Variants in ERC1 observed in about 807,000 individuals in gnomAD.
ERC1 encodes the protein RAB6 interacting protein 2.
Under a neutral mutation model 132.0 loss-of-function variants are expected in ERC1, and 56 were observed. The observed-to-expected ratio is 0.42, with a 90% CI of 0.34 to 0.53. The LOEUF is 0.53. ERC1 is among the 20% of genes least tolerant of loss of function. The pLI is 0.03. For synonymous variants in ERC1, 478 were observed against 476.1 expected, an observed-to-expected ratio of 1.00 and a Z score of -0.05; for missense variants, 1,202 against 1,349.9, an observed-to-expected ratio of 0.89 and a Z score of 1.72.
intron 2 of ERC1, among the ~76,000 whole-genome samples, chr12:1,033,938 G>C (rs1213926665): frequency 6.6e-6 from 1 of 152,112 alleles, no homozygotes; most frequent in African/African-American, 2.4e-5. Flanking sequence ...CTTAAATTCT[G>C]TTTTTATAGT....
chr12:1,199,848 G>C (rs954070948), intron 12 of ERC1, among the ~76,000 whole-genome samples: 2 of 151,412 alleles, frequency 1.3e-5, no homozygotes, highest in African/African-American at 4.9e-5. Context: ...AGCATACTAA[G>C]AACACCCTTG....
intron 2 of ERC1, among the ~76,000 whole-genome samples, chr12:1,032,404 T>G (rs1299612796): frequency 2.0e-5 from 3 of 152,198 alleles, no homozygotes; most frequent in Non-Finnish European, 4.4e-5. Flanking sequence ...GATGGTTCTG[T>G]TGTGGCACTT....
chr12:1,310,275 G>A (rs1355475727), intron 15 of ERC1, among the ~76,000 whole-genome samples: 1 of 147,108 alleles, frequency 6.8e-6, no homozygotes, highest in Non-Finnish European at 1.5e-5. Context: ...CTCCCAGACT[G>A]GAGTGCAATG....
chr12:1,205,367 A>ATGTG (rs1009684006), intron 12 of ERC1, among the ~76,000 whole-genome samples: 1 of 150,036 alleles, frequency 6.7e-6, no homozygotes, highest in South Asian at 2.1e-4. Flanking sequence ...GATTATATAT[A>ATGTG]TGTGTGTGTG....
intron 8 of ERC1, among the ~76,000 whole-genome samples, chr12:1,177,626 C>T (rs1347182452): frequency 6.6e-6 from 1 of 152,052 alleles, no homozygotes; most frequent in Non-Finnish European, 1.5e-5. Context: ...TTCATGGCAC[C>T]CCAGATAAAT....
intron 4 of ERC1, among the ~76,000 whole-genome samples, chr12:1,107,064 C>G (rs1945341377): frequency 6.6e-6 from 1 of 152,164 alleles, no homozygotes; most frequent in Admixed American, 6.5e-5. Context: ...GAAGGTGATG[C>G]AATTTTCTTT....
intron 12 of ERC1, among the ~76,000 whole-genome samples, chr12:1,224,525 A>G (rs111698061): frequency 0.016 from 2,363 of 152,302 alleles, 50 homozygotes; most frequent in African/African-American, 0.054. Context: ...GACCAAAAAA[A>G]TGTGCCATAC....
rs56939346 is a variant in ERC1, at chr12:1,493,548, A to AAATATATAT, written c.*3319_*3320insATATATATA. ...ACTCCATTTAAAAAAAAAAAAAAAAAATATATATATATATATATATATATA... is the reference window on the plus strand; with the variant it reads ...ACTCCATTTAAAAAAAAAAAAAAAAAAATATATATATATATATATATATATATATATATA... On this transcript the variant is annotated 3_prime_UTR_variant, in exon 19 of 19. Transcript: ENST00000360905. 2.2e-4 allele frequency: 3 copies of AAATATATAT among 13,620 alleles called. No individual in the cohort carries two copies. The highest frequency in any genetic ancestry group is 1.0e-3 in the Admixed American group (1 of 972). The allele number at this position is 13,620 out of a possible 1,614,324, so 0.8% of individuals were successfully genotyped here. A position where few individuals can be genotyped will look rare whatever the true frequency, so the allele number is the denominator to read the frequency against.
intron 13 of ERC1, among the ~76,000 whole-genome samples, chr12:1,254,849 T>C (rs915821303): frequency 6.6e-6 from 1 of 152,180 alleles, no homozygotes; most frequent in East Asian, 1.9e-4. Context: ...TTTGAATACA[T>C]GTATACATTG....
intron 12 of ERC1, among the ~76,000 whole-genome samples, chr12:1,203,207 GC>G (rs1957071974): frequency 6.6e-6 from 1 of 152,130 alleles, no homozygotes; most frequent in Non-Finnish European, 1.5e-5. Context: ...ACAGGCGTGT[GC>G]CACCACGCCT....
At chr12:1,309,234 A>C (rs1191294947) in intron 15 of ERC1, among the ~76,000 whole-genome samples, 2 of 152,264 alleles carry the variant, frequency 1.3e-5, no homozygotes, top group African/African-American at 4.8e-5. Flanking sequence ...TATCATGAAC[A>C]ATAATTTTGC....
chr12:1,261,241 C>T (rs911685496), intron 13 of ERC1, among the ~76,000 whole-genome samples: 1 of 152,288 alleles, frequency 6.6e-6, no homozygotes, highest in East Asian at 1.9e-4. Context: ...AGAAGCCTCT[C>T]AGGAGACTTG....
At chr12:1,138,202 TGA>T (rs1949516182) in intron 7 of ERC1, among the ~76,000 whole-genome samples, 2 of 103,852 alleles carry the variant, frequency 1.9e-5, no homozygotes, top group Admixed American at 1.1e-4. Context: ...TAATTATATA[TGA>T]TATATATTAT....
Position 1,083,409 on chromosome 12 carries a change from G to A in ERC1, c.915G>A (p.Arg305=), listed in dbSNP as rs745625005. ...IETQKQTLNA[R]DESIKKLLEM... is the part of the protein sequence containing the mutation. The stretch of plus-strand genomic sequence containing the variant: ...CTCAAAAGCAGACCCTAAATGCTCG[G>A]GATGAATCCATTAAGAAGCTTCTGG... The change falls in exon 3 of 19, where the codon CGG becomes CGA. Residue 305 remains arginine, a synonymous_variant. Transcript: ENST00000360905. 1 of 1,614,056 alleles carries A rather than the reference G, an allele frequency of 6.2e-7. No homozygotes were observed. The highest frequency in any genetic ancestry group is 1.3e-5 in the African/African-American group (1 of 74,926).
intron 2 of ERC1, among the ~76,000 whole-genome samples, chr12:1,049,372 G>GGCT (rs905551170): frequency 2.7e-4 from 41 of 152,096 alleles, no homozygotes; most frequent in African/African-American, 9.7e-4. Flanking sequence ...TCTCAACCTT[G>GGCT]GCTGCATATT....
rs184694290 is a variant in ERC1 at position 1,139,877 on chromosome 12, G to T, written c.1570-1743G>T. ...TTTAGTAGGTGTAGGAGGAAGAAAA[G>T]AACAGTATTTGTGATTCAGAAAAAA... On this transcript the variant is annotated intron_variant, in intron 7 of 18. Coordinates refer to ENST00000360905, the MANE Select transcript of ERC1 (RefSeq NM_178040.4). 2.3e-3 allele frequency among the ~76,000 whole-genome samples: 344 copies of T among 152,082 alleles called. 2 individuals carry two copies. Among genetic ancestry groups the T allele is most frequent in the Non-Finnish European group, 4.1e-3 (277 of 67,958 alleles).
chr12:1,365,440 C>T (rs187178038), intron 15 of ERC1, among the ~76,000 whole-genome samples: 266 of 152,266 alleles, frequency 1.7e-3, no homozygotes, highest in African/African-American at 6.1e-3. Context: ...ATCAGAGGTG[C>T]AGTTGGTTCA....
In ERC1 at chr12:1,080,017, G is replaced by A. The variant is rs1207719204; in HGVS notation, c.670-3147G>A. ...GTTCCCAAGAAAAATGTGGATTCAT[G>A]TGTAAAGATACATATGTGAAGGTGC... On this transcript the variant is annotated intron_variant, in intron 2 of 18. Coordinates refer to ENST00000360905, the MANE Select transcript of ERC1 (RefSeq NM_178040.4). Among the ~76,000 whole-genome samples the A allele has an allele frequency of 5.9e-5, 9 of 152,356 alleles. No homozygotes were observed. In the East Asian group the frequency reaches 1.7e-3, roughly 29 times the overall value.
chr12:1,322,323 A>G (rs367870239), intron 15 of ERC1, among the ~76,000 whole-genome samples: 15 of 152,180 alleles, frequency 9.9e-5, no homozygotes, highest in Non-Finnish European at 1.0e-4. Context: ...CTCTTAGGAA[A>G]ACTGATACTC....
Sources: gnomAD v4.1 joint callset for allele counts (sites outside exome capture counted in the v4.1 genomes callset) on GRCh38, gnomAD v4.1.1 for gene constraint, MANE v1.5 for transcripts, NCBI Gene and HGNC (gene_info 2026-07-23, HGNC 2026-07-21) for gene names.